The following PCDHGA2 variants were observed in gnomAD, a reference collection of about 807,000 sequenced individuals.
PCDHGA2 encodes protocadherin gamma-A2.
In PCDHGA2, 40 loss-of-function variants were observed where a neutral mutation model predicts 59.2. That is an observed-to-expected ratio of 0.68 (90% CI 0.52 to 0.88). The LOEUF (loss-of-function observed/expected upper bound fraction) is 0.88. Among genes scored for constraint, PCDHGA2 ranks in the 40% least tolerant of loss-of-function variants. The pLI, the probability that PCDHGA2 is intolerant of heterozygous loss-of-function variation, is 0.00. For missense variants in PCDHGA2, 1,226 were observed against 1,204.0 expected (o/e 1.02, Z -0.27); for synonymous variants, 560 against 526.0 (o/e 1.06, Z -0.89).
At chr5:141,390,223 G>T (rs137959577) in intron 1 of PCDHGA2, 3 of 1,614,020 alleles carry the variant, frequency 1.9e-6, no homozygotes, top group East Asian at 2.2e-5. Context: ...ATACTTTGCG[G>T]TGATTCATCT....
At chr5:141,465,141 A>AT (rs1341872532) in intron 1 of PCDHGA2, among the ~76,000 whole-genome samples, 2 of 151,678 alleles carry the variant, frequency 1.3e-5, no homozygotes, top group Non-Finnish European at 2.9e-5. Flanking sequence ...AGTTTAGGGG[A>AT]TATATGAAGG....
intron 1 of PCDHGA2, chr5:141,361,228 G>A: frequency 6.2e-7 from 1 of 1,614,000 alleles, no homozygotes. Flanking sequence ...ACCAGGAACA[G>A]TGATCGCCTT....
At chr5:141,383,599 G>T in intron 1 of PCDHGA2, 2 of 1,613,742 alleles carry the variant, frequency 1.2e-6, no homozygotes, top group Non-Finnish European at 8.5e-7. Flanking sequence ...GACAGTGGTG[G>T]ATGTGAATGA....
rs760319541 is a variant in PCDHGA2, at chr5:141,477,772, C to T, written c.2425-17035C>T. 1.2e-6 allele frequency: 2 copies of T among 1,614,026 alleles called. No homozygotes were observed. Among genetic ancestry groups the T allele is most frequent in the South Asian group, 1.1e-5 (1 of 91,088 alleles). ...CCCCGGTCCTAGCCACCAACATCAGCGTGAACATATTTGTCACTGATCGCA... is the reference window on the plus strand; with the variant it reads ...CCCCGGTCCTAGCCACCAACATCAGTGTGAACATATTTGTCACTGATCGCA... On this transcript the variant is annotated intron_variant, in intron 1 of 3. Coordinates refer to ENST00000394576, the MANE Select transcript of PCDHGA2 (RefSeq NM_018915.4). This position sits in a 1 kb window ranked among gnomAD's most constrained non-coding sequence, Gnocchi z 4.9.
intron 1 of PCDHGA2, among the ~76,000 whole-genome samples, chr5:141,457,057 C>T (rs1224573005): frequency 6.6e-6 from 1 of 152,182 alleles, no homozygotes; most frequent in Non-Finnish European, 1.5e-5. Flanking sequence ...TTCATGCTTC[C>T]TTTTTGCCAG....
chr5:141,352,444 C>T (rs562202552), intron 1 of PCDHGA2: 1 of 1,614,062 alleles, frequency 6.2e-7, no homozygotes, highest in Non-Finnish European at 8.5e-7. Context: ...CCGGTCTCTG[C>T]TCCAAGTCTG....
chr5:141,419,645 G>T, intron 1 of PCDHGA2: 1 of 1,612,478 alleles, frequency 6.2e-7, no homozygotes, highest in African/African-American at 1.3e-5. Context: ...GGCCGTGGAC[G>T]CGGACTCGGG....
chr5:141,456,984 C>G (rs374156327), intron 1 of PCDHGA2, among the ~76,000 whole-genome samples: 1 of 152,200 alleles, frequency 6.6e-6, no homozygotes, highest in East Asian at 1.9e-4. Flanking sequence ...AACAAACAAA[C>G]AAACAAAAAC....
chr5:141,511,276 T>A lies in PCDHGA2; in HGVS notation c.*103T>A. ...AGAGTTTCAGGGCTAACCCCCAGAA[T>A]ACTGGTAGGGGCCAAGGCCATGCTC... On this transcript the variant is annotated 3_prime_UTR_variant, in exon 4 of 4. Coordinates refer to ENST00000394576, the MANE Select transcript of PCDHGA2 (RefSeq NM_018915.4). 6.5e-7 allele frequency: 1 copy of A among 1,538,086 alleles called. No homozygotes were observed. Among genetic ancestry groups the A allele is most frequent in the Non-Finnish European group, 8.8e-7 (1 of 1,140,722 alleles).
At chr5:141,375,611 G>T in intron 1 of PCDHGA2, 1 of 1,614,178 alleles carries the variant, frequency 6.2e-7, no homozygotes, top group Non-Finnish European at 8.5e-7. Flanking sequence ...CATCAACTCC[G>T]ACACTGGGAT....
Position 141,490,760 on chromosome 5 carries a change from T to G in PCDHGA2, c.2425-4047T>G. 1 of 1,614,070 alleles carries G rather than the reference T, an allele frequency of 6.2e-7. No individual in the cohort carries two copies. On this transcript the variant is annotated intron_variant, in intron 1 of 3. Coordinates refer to ENST00000394576, the MANE Select transcript of PCDHGA2 (RefSeq NM_018915.4). This position sits in a 1 kb window ranked among gnomAD's most constrained non-coding sequence, Gnocchi z 5.4. Reference sequence around the variant, plus strand: ...CAGGGAGCCCCAGCCTCCTCCTTTGTGTATGTCAACCCAGAGGATGGACGG... The same window carrying G: ...CAGGGAGCCCCAGCCTCCTCCTTTGGGTATGTCAACCCAGAGGATGGACGG...
intron 3 of PCDHGA2, among the ~76,000 whole-genome samples, chr5:141,509,450 C>A (rs2099876883): frequency 6.6e-6 from 1 of 152,128 alleles, no homozygotes; most frequent in Non-Finnish European, 1.5e-5. Context: ...CCTCTCCCAC[C>A]CCCGACCCAG....
chr5:141,507,478 C>A (rs933478897), intron 3 of PCDHGA2, among the ~76,000 whole-genome samples: 3 of 152,158 alleles, frequency 2.0e-5, no homozygotes, highest in Non-Finnish European at 4.4e-5. Context: ...GGACTGCTGG[C>A]CTCCTGAGGC....
rs1171628790 is a variant in PCDHGA2 at position 141,352,592 on chromosome 5, T to A, written c.2424+11197T>A. The A allele has an allele frequency of 1.9e-6, 3 of 1,613,672 alleles. No homozygotes were observed. In the East Asian group the frequency reaches 6.7e-5, roughly 36 times the overall value. Reference sequence around the variant, plus strand: ...AATGGCTCCCCCTCAGGATCTGCTGTGTGATGATCCTTCTATGGTTGTATG... The same window carrying A: ...AATGGCTCCCCCTCAGGATCTGCTGAGTGATGATCCTTCTATGGTTGTATG... On this transcript the variant is annotated intron_variant, in intron 1 of 3. Coordinates refer to ENST00000394576, the MANE Select transcript of PCDHGA2 (RefSeq NM_018915.4).
intron 1 of PCDHGA2, chr5:141,400,189 CT>C (rs770137840): frequency 5.6e-6 from 9 of 1,614,056 alleles, no homozygotes; most frequent in Non-Finnish European, 7.6e-6. Context: ...GCAGTTTTAC[CT>C]AGTGGTGGCC....
At position 141,477,505 on chromosome 5, in the gene PCDHGA2, C is replaced by T. The variant is rs2099412175; in HGVS notation, c.2425-17302C>T. The T allele has an allele frequency of 5.0e-6, 8 of 1,614,126 alleles. No individual in the cohort carries two copies. Among genetic ancestry groups the T allele is most frequent in the Admixed American group, 1.7e-5 (1 of 60,024 alleles). On this transcript the variant is annotated intron_variant, in intron 1 of 3. Transcript: ENST00000394576. This position sits in a 1 kb window ranked among gnomAD's most constrained non-coding sequence, Gnocchi z 4.9. ...CACAATCTTCTCAATCTTCCTACGACGTTTACATTGAAGAAAACAACCTCC... is the reference window on the plus strand; with the variant it reads ...CACAATCTTCTCAATCTTCCTACGATGTTTACATTGAAGAAAACAACCTCC...
intron 1 of PCDHGA2, chr5:141,411,997 T>A (rs1321898808): frequency 6.6e-6 from 1 of 152,030 alleles, no homozygotes; most frequent in Non-Finnish European, 1.5e-5. Context: ...GAAGGCATAG[T>A]GACATAAACA....
intron 1 of PCDHGA2, among the ~76,000 whole-genome samples, chr5:141,461,819 A>G (rs573339238): frequency 1.3e-5 from 2 of 149,282 alleles, no homozygotes; most frequent in African/African-American, 2.5e-5. Flanking sequence ...ACACCCAGCT[A>G]ATTTTTTTTT....
intron 1 of PCDHGA2, chr5:141,415,740 G>GTTTTTTGT (rs2095911797): frequency 1.9e-6 from 1 of 515,998 alleles, no homozygotes; most frequent in East Asian, 8.3e-5. Flanking sequence ...GTTTATTAAG[G>GTTTTTTGT]TTTTTTTTTT....
Sources: gnomAD v4.1 joint callset for allele counts (sites outside exome capture counted in the v4.1 genomes callset) on GRCh38, gnomAD v4.1.1 for gene constraint, Gnocchi (gnomAD v3.1) non-coding constraint, MANE v1.5 for transcripts, NCBI Gene and HGNC (gene_info 2026-07-23, HGNC 2026-07-21) for gene names.